HMGCL: variants seen among roughly 807,000 people sequenced by gnomAD.
HMGCL encodes hydroxymethylglutaryl-CoA lyase, mitochondrial.
A neutral mutation model predicts 37.3 loss-of-function variants in HMGCL; 26 were observed. That is an observed-to-expected ratio of 0.70 (90% CI 0.51 to 0.97). The LOEUF (loss-of-function observed/expected upper bound fraction) is 0.97. Ranked by LOEUF, HMGCL falls within the 50% of genes least tolerant of loss-of-function variation. The probability of loss-of-function intolerance (pLI) is 0.00; values close to 1 mark genes in which losing one functional copy is unlikely to be tolerated. For synonymous variants in HMGCL, 151 were observed against 148.0 expected, an observed-to-expected ratio of 1.02 and a Z score of -0.15; for missense variants, 379 against 398.1, an observed-to-expected ratio of 0.95 and a Z score of 0.41.
chr1:23,817,944 T>A (rs1638644994), intron 2 of HMGCL, among the ~76,000 whole-genome samples: 1 of 152,192 alleles, frequency 6.6e-6, no homozygotes, highest in Admixed American at 6.6e-5. Flanking sequence ...TATAGCTTCT[T>A]TATCTTCCTC....
chr1:23,802,251 C>T lies in HMGCL; in HGVS notation c.*212G>A, dbSNP rs1357513320. ...AAAGGGAGACTTCAGCCCTCAAAGCCTCTCACTCCTCAGGTCTGGGCAGGA... is the reference window on the plus strand; with the variant it reads ...AAAGGGAGACTTCAGCCCTCAAAGCTTCTCACTCCTCAGGTCTGGGCAGGA... On this transcript the variant is annotated 3_prime_UTR_variant, in exon 9 of 9. Transcript: ENST00000374490. 4 of 606,706 alleles carry T rather than the reference C, an allele frequency of 6.6e-6. No homozygotes were observed. The highest frequency in any genetic ancestry group is 1.2e-5 in the Non-Finnish European group (4 of 341,876). The allele number at this position is 606,706 out of a possible 1,614,324, so 37.6% of individuals were successfully genotyped here. A position where few individuals can be genotyped will look rare whatever the true frequency, so the allele number is the denominator to read the frequency against.
chr1:23,820,920 C>A (rs1391679888), intron 1 of HMGCL, among the ~76,000 whole-genome samples: 1 of 152,232 alleles, frequency 6.6e-6, no homozygotes, highest in African/African-American at 2.4e-5. Context: ...TAAAGCCCAT[C>A]TGACTCCATC....
At chr1:23,814,129 CAG>C in intron 5 of HMGCL, 59 bp downstream of exon 5, 5 of 1,589,430 alleles carry the variant, frequency 3.1e-6, no homozygotes, top group Non-Finnish European at 2.6e-6. Flanking sequence ...CCACTTGAGT[CAG>C]AGTCTAGCCC....
intron 6 of HMGCL, among the ~76,000 whole-genome samples, chr1:23,808,735 T>A (rs577293544): frequency 2.2e-4 from 24 of 109,706 alleles, no homozygotes; most frequent in African/African-American, 8.3e-4. Flanking sequence ...CTAGTTATAT[T>A]TTTTTTCTTT....
intron 7 of HMGCL, 93 bp downstream of exon 7, chr1:23,808,042 T>G (rs1295285492): frequency 8.3e-7 from 1 of 1,203,606 alleles, no homozygotes; most frequent in South Asian, 1.3e-5. Flanking sequence ...CCTGGCATAC[T>G]GGCATCAGTA....
chr1:23,811,937 C>G (rs941846497), intron 5 of HMGCL, among the ~76,000 whole-genome samples: 2 of 152,206 alleles, frequency 1.3e-5, no homozygotes, highest in Non-Finnish European at 2.9e-5. Context: ...TTTTGATGCT[C>G]CCACTTATTC....
intron 2 of HMGCL, among the ~76,000 whole-genome samples, chr1:23,819,760 C>A (rs144882685): frequency 2.5e-4 from 38 of 150,228 alleles, no homozygotes; most frequent in Admixed American, 3.9e-4. Context: ...CGCGCGCGTG[C>A]GTACGCGCAC....
intron 5 of HMGCL, chr1:23,813,706 C>T: frequency 5.0e-6 from 1 of 198,906 alleles, no homozygotes; most frequent in Admixed American, 5.3e-5. Context: ...ATAGATAATA[C>T]ACACACAATG....
chr1:23,814,411 C>A, intron 4 of HMGCL, 73 bp from the exon 5 acceptor site: 1 of 1,566,156 alleles, frequency 6.4e-7, no homozygotes, highest in Non-Finnish European at 8.7e-7. Context: ...TGCTTTGTTG[C>A]CCAGGCTGGA....
At chr1:23,817,831 T>A (rs575663026) in intron 2 of HMGCL, among the ~76,000 whole-genome samples, 2 of 152,232 alleles carry the variant, frequency 1.3e-5, no homozygotes, top group Non-Finnish European at 2.9e-5. Flanking sequence ...AGGGCAGAGA[T>A]GACTAACCCT....
At chr1:23,815,202 G>T (rs539634272) in intron 4 of HMGCL, among the ~76,000 whole-genome samples, 1 of 151,930 alleles carries the variant, frequency 6.6e-6, no homozygotes, top group East Asian at 2.0e-4. Context: ...GCAAGACTCT[G>T]TCTAAAAAAA....
Position 23,806,759 on chromosome 1 carries a change from T to G in HMGCL, c.750+1376A>C. On this transcript the variant is annotated intron_variant, in intron 7 of 8. Coordinates refer to ENST00000374490, the MANE Select transcript of HMGCL (RefSeq NM_000191.3). The surrounding 1 kb of genome is among the most constrained non-coding windows in gnomAD (Gnocchi z 4.0). Reference sequence around the variant, plus strand: ...AGACTCTGTTTTGGTCACAGCTGAATCCTTAATGCTGAGAACAGTGCCTAG... The same window carrying G: ...AGACTCTGTTTTGGTCACAGCTGAAGCCTTAATGCTGAGAACAGTGCCTAG... 2 of 357,502 alleles carry G rather than the reference T, an allele frequency of 5.6e-6. No homozygotes were observed. Among genetic ancestry groups the G allele is most frequent in the South Asian group, 4.2e-5 (2 of 47,238 alleles). 22.1% of individuals were successfully genotyped at this position (357,502 alleles called of 1,614,324 possible). A position where few individuals can be genotyped will look rare whatever the true frequency, so the allele number is the denominator to read the frequency against.
At position 23,804,322 on chromosome 1, in the gene HMGCL, C is replaced by A. The variant is rs114249277; in HGVS notation, c.876+78G>T. 1,903 of 1,569,314 alleles carry A rather than the reference C, an allele frequency of 1.2e-3. 27 individuals carry two copies. The African/African-American group carries it at 0.022, about 18-fold the overall frequency. ...TCAGCACCTTAACAACCCCAAATAC[C>A]CCCATCCACTTTTGTTCTCAGCTTC... On this transcript the variant is annotated intron_variant, in intron 8 of 8. Coordinates refer to ENST00000374490, the MANE Select transcript of HMGCL (RefSeq NM_000191.3).
Position 23,814,259 on chromosome 1 carries a change from A to G in HMGCL, c.428T>C (p.Ile143Thr), listed in dbSNP as rs933261021. ...GTCAAACCTCTGAAAACTCTCCTCT[A>G]TGGAACAATTGATGTTCTTCTTGGT... ...LFTKKNINCS[I>T]EESFQRFDAI... is the part of the protein sequence containing the mutation. Residue 143 changes from isoleucine (I) to threonine (T), a missense_variant, in exon 5 of 9, where the codon ATA becomes ACA. Physicochemically the swap from Ile to Thr is moderately conservative, Grantham distance 89 (BLOSUM62 -1). Coordinates refer to ENST00000374490, the MANE Select transcript of HMGCL (RefSeq NM_000191.3). The G allele has an allele frequency of 2.7e-5, 43 of 1,613,998 alleles. No homozygotes were observed. Among genetic ancestry groups the G allele is most frequent in the Non-Finnish European group, 3.4e-5 (40 of 1,180,032 alleles).
intron 5 of HMGCL, among the ~76,000 whole-genome samples, chr1:23,811,490 G>A (rs936343736): frequency 1.3e-5 from 2 of 152,232 alleles, no homozygotes; most frequent in African/African-American, 4.8e-5. Flanking sequence ...GATGGGAAAT[G>A]ATAGGAACAA....
chr1:23,804,561 T>C, intron 7 of HMGCL, 36 bp from the exon 8 acceptor site: 5 of 1,613,316 alleles, frequency 3.1e-6, no homozygotes, highest in Non-Finnish European at 3.4e-6. Flanking sequence ...CAGTTGTTGC[T>C]GGGGACAAGA....
intron 6 of HMGCL, among the ~76,000 whole-genome samples, chr1:23,808,929 A>G (rs1638464271): frequency 6.6e-6 from 1 of 150,698 alleles, no homozygotes; most frequent in Admixed American, 6.6e-5. Flanking sequence ...TTTTTGAGAC[A>G]GAGTCTCACT....
At chr1:23,811,977 AGAGAGATGCTTAGAAAGACACAGATCTGG>A (rs1420360583) in intron 5 of HMGCL, among the ~76,000 whole-genome samples, 1 of 152,182 alleles carries the variant, frequency 6.6e-6, no homozygotes, top group Non-Finnish European at 1.5e-5. Flanking sequence ...GAAAAAGGTA[AGAGAGATGCTTAGAAAGACACAGATCTGG>A]GAGTTGGGCC....
intron 2 of HMGCL, 98 bp downstream of exon 2, chr1:23,820,412 T>C: frequency 1.2e-6 from 1 of 854,884 alleles, no homozygotes. Context: ...AGGAATCACA[T>C]CTTGCATAGC....
Sources: gnomAD v4.1 joint callset for allele counts (sites outside exome capture counted in the v4.1 genomes callset) on GRCh38, gnomAD v4.1.1 for gene constraint, Gnocchi (gnomAD v3.1) non-coding constraint, MANE v1.5 for transcripts, NCBI Gene and HGNC (gene_info 2026-07-23, HGNC 2026-07-21) for gene names.